Variants in VPS50 observed in about 807,000 individuals in gnomAD.
The protein encoded by VPS50 is VPS50 subunit of EARP/GARPII complex, also known as syndetin.
Under a neutral mutation model 139.7 loss-of-function variants are expected in VPS50, and 70 were observed. That is an observed-to-expected ratio of 0.50 (90% CI 0.41 to 0.61). The LOEUF is 0.61. Ranked by LOEUF, VPS50 falls within the 20% of genes least tolerant of loss-of-function variation. The probability of loss-of-function intolerance (pLI) is 0.00; values close to 1 mark genes in which losing one functional copy is unlikely to be tolerated. For synonymous variants in VPS50, 365 were observed against 376.7 expected, an observed-to-expected ratio of 0.97 and a Z score of 0.36; for missense variants, 921 against 1,133.7, an observed-to-expected ratio of 0.81 and a Z score of 2.69.
At position 93,360,392 on chromosome 7, in the gene VPS50, T is replaced by C. The variant is rs956650782; in HGVS notation, c.*1956T>C. 1 of 147,122 alleles carries C rather than the reference T, an allele frequency of 6.8e-6. No individual in the cohort carries two copies. Among genetic ancestry groups the C allele is most frequent in the Admixed American group, 7.1e-5 (1 of 14,080 alleles). 9.1% of individuals were successfully genotyped at this position (147,122 alleles called of 1,614,324 possible). ...AAAATGAAATGGTGGATCTTTTTAA[T>C]GCTTTTTGAAAAAGGTTTTTTTTTT... On this transcript the variant is annotated 3_prime_UTR_variant, in exon 28 of 28. Coordinates refer to ENST00000305866, the MANE Select transcript of VPS50 (RefSeq NM_017667.4).
intron 6 of VPS50, 142 bp downstream of exon 6, chr7:93,257,606 C>T: frequency 3.7e-6 from 2 of 538,882 alleles, no homozygotes; most frequent in Non-Finnish European, 6.4e-6. Flanking sequence ...ATATCATGAT[C>T]TAAAGACTAC....
chr7:93,311,482 T>C (rs2116990056), intron 20 of VPS50, among the ~76,000 whole-genome samples: 1 of 152,252 alleles, frequency 6.6e-6, no homozygotes, highest in East Asian at 1.9e-4. Flanking sequence ...AGTTACCTGT[T>C]TATTAAGTCT....
In VPS50 at chr7:93,264,490, G is replaced by A. The variant is rs191927621; in HGVS notation, c.659+4858G>A. On this transcript the variant is annotated intron_variant, in intron 9 of 27. Transcript: ENST00000305866. ...ATTTCATTTGAAAGAAACTACTTGA[G>A]GGAGCCTGATAGCTTTTGTATTATG... Among the ~76,000 whole-genome samples the A allele has an allele frequency of 1.7e-3, 258 of 152,284 alleles. 2 individuals are homozygous for A. Among genetic ancestry groups the A allele is most frequent in the Middle Eastern group, 3.4e-3 (1 of 292 alleles).
In VPS50 at chr7:93,334,174, A is replaced by C; in HGVS notation, c.2035A>C (p.Ile679Leu). The C allele has an allele frequency of 1.9e-6, 3 of 1,585,018 alleles. No individual in the cohort carries two copies. The highest frequency in any genetic ancestry group is 2.6e-6 in the Non-Finnish European group (3 of 1,158,278). The change falls in exon 22 of 28, where the codon ATA (isoleucine) becomes CTA (leucine). Residue 679 changes from isoleucine to leucine, a missense_variant. By Grantham distance (5) the Ile-to-Leu change is conservative (BLOSUM62 2). Around this residue, in one of 3 missense-constraint regions of VPS50, gnomAD observed 744 missense variants for 930.6 expected, o/e 0.80. Coordinates refer to ENST00000305866, the MANE Select transcript of VPS50 (RefSeq NM_017667.4). The stretch of plus-strand genomic sequence containing the variant: ...TAGACTAAGAACAACTCTAAACAGA[A>C]TACAAGAAAGCCTTATTGATCTAGT... ...SSRLRTTLNR[I>L]QESLIDLEVS... is the part of the protein sequence containing the mutation.
In VPS50 at chr7:93,262,008, A is replaced by G. The variant is rs183215276; in HGVS notation, c.659+2376A>G. 9.2e-5 allele frequency among the ~76,000 whole-genome samples: 14 copies of G among 152,302 alleles called. No homozygotes were observed. The East Asian group carries it at 2.5e-3, about 27-fold the overall frequency. On this transcript the variant is annotated intron_variant, in intron 9 of 27. Coordinates refer to ENST00000305866, the MANE Select transcript of VPS50 (RefSeq NM_017667.4). ...GAACTATCAAGTGTAAGGTGAGGAA[A>G]TTTTGTGATGAGGACAGATGCAGAA...
intron 2 of VPS50, among the ~76,000 whole-genome samples, chr7:93,247,126 C>T (rs1241865714): frequency 6.6e-6 from 1 of 151,832 alleles, no homozygotes; most frequent in Non-Finnish European, 1.5e-5. Context: ...GTATTATATG[C>T]AACCTTATTG....
rs532884011 is a variant in VPS50, at chr7:93,325,938, C to G, written c.1977+2206C>G. 1.7e-3 allele frequency among the ~76,000 whole-genome samples: 261 copies of G among 151,314 alleles called. 5 individuals carry two copies. In the East Asian group the frequency reaches 0.027, roughly 16 times the overall value. On this transcript the variant is annotated intron_variant, in intron 21 of 27. Coordinates refer to ENST00000305866, the MANE Select transcript of VPS50 (RefSeq NM_017667.4). ...GAAATACCATTTGACCCAGCCATCC[C>G]ATTACTGGGTATATACCCAAAGGAC... is the stretch of plus-strand genomic sequence containing the variant.
At position 93,358,288 on chromosome 7, in the gene VPS50, C is replaced by G. The variant is rs956788294; in HGVS notation, c.2776-29C>G. ...GATCAGATACATTCCTTTTAGGGTA[C>G]TAAATTTGGATCTTTCTTCTTTGAG... On this transcript the variant is annotated intron_variant, in intron 27 of 27. Coordinates refer to ENST00000305866, the MANE Select transcript of VPS50 (RefSeq NM_017667.4). The G allele has an allele frequency of 1.9e-6, 3 of 1,609,902 alleles. No individual in the cohort carries two copies. In the Admixed American group the frequency reaches 5.0e-5, roughly 27 times the overall value.
At position 93,341,452 on chromosome 7, in the gene VPS50, C is replaced by T. The variant is rs1489281686; in HGVS notation, c.2084C>T (p.Thr695Ile). ...DLEVSADPTA[T>I]LTAAEERKEK... is the part of the protein sequence containing the mutation. Reference sequence around the variant, plus strand: ...GAAGTTTCAGCTGATCCTACTGCCACACTCACAGCAGCAGAAGAAAGAAAG... The same window carrying T: ...GAAGTTTCAGCTGATCCTACTGCCATACTCACAGCAGCAGAAGAAAGAAAG... Residue 695 changes from threonine (T) to isoleucine (I), a missense_variant, in exon 23 of 28, where the codon ACA becomes ATA. Around this residue, in one of 3 missense-constraint regions of VPS50, gnomAD observed 744 missense variants for 930.6 expected, o/e 0.80. Coordinates refer to ENST00000305866, the MANE Select transcript of VPS50 (RefSeq NM_017667.4). 1.2e-6 allele frequency: 2 copies of T among 1,610,878 alleles called. No homozygotes were observed. The highest frequency in any genetic ancestry group is 8.5e-7 in the Non-Finnish European group (1 of 1,178,836).
chr7:93,279,394 G>A (rs1796257408), intron 12 of VPS50, among the ~76,000 whole-genome samples: 2 of 152,112 alleles, frequency 1.3e-5, no homozygotes, highest in African/African-American at 4.8e-5. Flanking sequence ...CTGAGGAGAG[G>A]AAAGATAGAG....
chr7:93,325,182 A>G (rs565749733), intron 21 of VPS50, among the ~76,000 whole-genome samples: 1 of 152,332 alleles, frequency 6.6e-6, no homozygotes, highest in East Asian at 1.9e-4. Flanking sequence ...CCTGAGAAAA[A>G]CAAGCAATGG....
At chr7:93,275,143 GAC>G (rs1393354645) in intron 11 of VPS50, among the ~76,000 whole-genome samples, 1 of 152,168 alleles carries the variant, frequency 6.6e-6, no homozygotes, top group Non-Finnish European at 1.5e-5. Context: ...GATGAGCAAA[GAC>G]AGTGGTTTCT....
intron 2 of VPS50, among the ~76,000 whole-genome samples, chr7:93,241,461 T>TAA (rs1288045938): frequency 6.6e-6 from 1 of 152,080 alleles, no homozygotes; most frequent in Non-Finnish European, 1.5e-5. Flanking sequence ...CTAAGTTAGT[T>TAA]AAATAATAAA....
intron 14 of VPS50, among the ~76,000 whole-genome samples, chr7:93,295,945 T>C (rs1584439161): frequency 6.6e-6 from 1 of 152,264 alleles, no homozygotes; most frequent in East Asian, 1.9e-4. Flanking sequence ...AGACTGGTCT[T>C]GAACTCCTGG....
At chr7:93,306,752 C>T (rs904106739) in intron 18 of VPS50, among the ~76,000 whole-genome samples, 3 of 151,836 alleles carry the variant, frequency 2.0e-5, no homozygotes, top group African/African-American at 7.2e-5. Context: ...TTCATAATTT[C>T]CATAATGACC....
Position 93,315,355 on chromosome 7 carries a change from G to A in VPS50, c.1855+4083G>A, listed in dbSNP as rs73415400. Among the ~76,000 whole-genome samples the A allele has an allele frequency of 8.5e-3, 1,301 of 152,220 alleles. 18 individuals carry two copies. Among genetic ancestry groups the A allele is most frequent in the African/African-American group, 0.027 (1,138 of 41,534 alleles). On this transcript the variant is annotated intron_variant, in intron 20 of 27. Coordinates refer to ENST00000305866, the MANE Select transcript of VPS50 (RefSeq NM_017667.4). ...TTCATACTACAAACTGCCACAGCAAGTATCCTTGAAGAAATATCTTTGTGT... is the reference window on the plus strand; with the variant it reads ...TTCATACTACAAACTGCCACAGCAAATATCCTTGAAGAAATATCTTTGTGT...
intron 12 of VPS50, among the ~76,000 whole-genome samples, chr7:93,285,602 A>G (rs1796460459): frequency 6.6e-6 from 1 of 152,150 alleles, no homozygotes; most frequent in African/African-American, 2.4e-5. Context: ...AAATGGCCTC[A>G]ACTTATATTT....
At position 93,252,811 on chromosome 7, in the gene VPS50, G is replaced by A. The variant is rs774837663; in HGVS notation, c.225+36G>A. 2.0e-6 allele frequency: 3 copies of A among 1,518,416 alleles called. No individual in the cohort carries two copies. In the Admixed American group the frequency reaches 6.6e-5, roughly 34 times the overall value. The allele number at this position is 1,518,416 out of a possible 1,614,324, so 94.1% of individuals were successfully genotyped here. A position where few individuals can be genotyped will look rare whatever the true frequency, so the allele number is the denominator to read the frequency against. ...TTTCATTAAAACATAACTAAGGCCT[G>A]TTTTGTTCAGTGATTGGATTTATGA... is the stretch of plus-strand genomic sequence containing the variant. On this transcript the variant is annotated intron_variant, in intron 3 of 27. Transcript: ENST00000305866.
intron 18 of VPS50, 131 bp downstream of exon 18, chr7:93,306,135 A>G (rs1428732782): frequency 7.9e-6 from 5 of 635,340 alleles, no homozygotes; most frequent in Non-Finnish European, 1.4e-5. Context: ...TAATGTACCT[A>G]TGCTATTACA....
Sources: allele counts gnomAD v4.1 joint callset (sites outside exome capture counted in the v4.1 genomes callset), GRCh38; gene constraint gnomAD v4.1.1; regional missense constraint gnomAD v4.1.1; transcripts MANE v1.5; gene names NCBI Gene and HGNC (gene_info 2026-07-23, HGNC 2026-07-21).